Variants in SEMA3C observed in about 807,000 individuals in gnomAD.
SEMA3C encodes semaphorin 3C, also known as semaphorin-3C.
SEMA3C carries 47 observed loss-of-function variants against 89.4 expected under a neutral mutation model. The observed-to-expected ratio is 0.53, with a 90% CI of 0.42 to 0.67. The LOEUF (loss-of-function observed/expected upper bound fraction) is 0.67. Ranked by LOEUF, SEMA3C falls within the 30% of genes least tolerant of loss-of-function variation. The probability of loss-of-function intolerance (pLI) is 0.00; values close to 1 mark genes in which losing one functional copy is unlikely to be tolerated. For synonymous variants in SEMA3C, 310 were observed against 320.2 expected, an observed-to-expected ratio of 0.97 and a Z score of 0.34; for missense variants, 839 against 929.1, an observed-to-expected ratio of 0.90 and a Z score of 1.26.
chr7:80,815,043 T>C (rs1198405831), intron 5 of SEMA3C, among the ~76,000 whole-genome samples: 1 of 152,240 alleles, frequency 6.6e-6, no homozygotes, highest in Non-Finnish European at 1.5e-5. Context: ...TGTTGACATA[T>C]AAGTAGCCTT....
intron 4 of SEMA3C, among the ~76,000 whole-genome samples, chr7:80,818,895 T>C (rs910446476): frequency 6.6e-6 from 1 of 152,172 alleles, no homozygotes; most frequent in Non-Finnish European, 1.5e-5. Flanking sequence ...AAACAGTGGC[T>C]CAGGAATAGT....
chr7:80,880,184 G>A (rs113730376), intron 2 of SEMA3C, among the ~76,000 whole-genome samples: 89 of 152,186 alleles, frequency 5.8e-4, no homozygotes, highest in South Asian at 2.3e-3. Context: ...TCCAGGAGGC[G>A]AACCCTGACT....
Position 80,753,709 on chromosome 7 carries a change from A to C in SEMA3C, c.1644-2373T>G, listed in dbSNP as rs75518946. Among the ~76,000 whole-genome samples the C allele has an allele frequency of 0.015, 2,216 of 152,256 alleles. 177 individuals carry two copies. The East Asian group carries it at 0.23, about 16-fold the overall frequency. ...TTCCCATGTTTCATCCACAACAGTAAATTCTTTTGGATAAACAATGAAATC... is the reference window on the plus strand; with the variant it reads ...TTCCCATGTTTCATCCACAACAGTACATTCTTTTGGATAAACAATGAAATC... On this transcript the variant is annotated intron_variant, in intron 15 of 17. Transcript: ENST00000265361.
intron 11 of SEMA3C, among the ~76,000 whole-genome samples, chr7:80,790,995 T>G (rs1268845110): frequency 6.6e-6 from 1 of 152,014 alleles, no homozygotes; most frequent in Non-Finnish European, 1.5e-5. Flanking sequence ...ATGCATTATA[T>G]CATTGATTGT....
At chr7:80,906,273 T>C (rs1391103581) in intron 2 of SEMA3C, among the ~76,000 whole-genome samples, 1 of 152,190 alleles carries the variant, frequency 6.6e-6, no homozygotes, top group Admixed American at 6.5e-5. Context: ...AGAAGCAATA[T>C]TAGAAAAGGT....
chr7:80,879,541 A>G (rs1791284502), intron 2 of SEMA3C, among the ~76,000 whole-genome samples: 1 of 151,832 alleles, frequency 6.6e-6, no homozygotes, highest in South Asian at 2.1e-4. Context: ...ATTCTGTGAA[A>G]CCCTCCCTTC....
chr7:80,873,510 A>G (rs1005685832), intron 2 of SEMA3C, among the ~76,000 whole-genome samples: 2 of 152,194 alleles, frequency 1.3e-5, no homozygotes, highest in African/African-American at 4.8e-5. Context: ...TCATCAGGCA[A>G]TACTAGGCCC....
chr7:80,751,457 T>C, intron 15 of SEMA3C, 121 bp from the exon 16 acceptor site: 1 of 786,530 alleles, frequency 1.3e-6, no homozygotes, highest in Non-Finnish European at 2.1e-6. Flanking sequence ...TAAAATTTTT[T>C]AAAAAGAGTT....
At position 80,918,718 on chromosome 7, in the gene SEMA3C, T is replaced by G. The variant is rs969234923; in HGVS notation, c.-39+110A>C. Reference sequence around the variant, plus strand: ...TTCCCTGACAAACCGCGTGTGTTCTTAAGAAAATGTCCAGGCTTGAGCATA... The same window carrying G: ...TTCCCTGACAAACCGCGTGTGTTCTGAAGAAAATGTCCAGGCTTGAGCATA... On this transcript the variant is annotated intron_variant, in intron 1 of 17. Transcript: ENST00000265361. 6.8e-5 allele frequency: 46 copies of G among 674,222 alleles called. No individual in the cohort carries two copies. The African/African-American group carries it at 7.8e-4, about 11-fold the overall frequency. The allele number at this position is 674,222 out of a possible 1,614,324, so 41.8% of individuals were successfully genotyped here. A position where few individuals can be genotyped will look rare whatever the true frequency, so the allele number is the denominator to read the frequency against.
intron 13 of SEMA3C, among the ~76,000 whole-genome samples, chr7:80,762,420 T>C (rs1016419651): frequency 2.6e-5 from 4 of 152,332 alleles, no homozygotes; most frequent in Admixed American, 2.0e-4. Context: ...TTTGATAAAA[T>C]GTGAATGAAT....
chr7:80,868,824 ATGAAAG>A (rs1185191195), intron 2 of SEMA3C, among the ~76,000 whole-genome samples: 1 of 152,172 alleles, frequency 6.6e-6, no homozygotes, highest in Non-Finnish European at 1.5e-5. Context: ...ACCAGGTGTC[ATGAAAG>A]GAACTGGGGC....
intron 2 of SEMA3C, among the ~76,000 whole-genome samples, chr7:80,861,610 A>C (rs1790772997): frequency 6.6e-6 from 1 of 152,234 alleles, no homozygotes; most frequent in Non-Finnish European, 1.5e-5. Context: ...TAAAGCCTTT[A>C]GAAGACTGAT....
At chr7:80,751,735 C>G (rs1483547922) in intron 15 of SEMA3C, among the ~76,000 whole-genome samples, 1 of 152,106 alleles carries the variant, frequency 6.6e-6, no homozygotes, top group Non-Finnish European at 1.5e-5. Flanking sequence ...TTTATAATAG[C>G]TTGTCTTAAA....
chr7:80,851,332 C>T lies in SEMA3C; in HGVS notation c.104-22587G>A, dbSNP rs138263861. ...CCAGCCTGACCAACATGGTGAAACC[C>T]CATCTCTACTAAAAATACAAAAATT... On this transcript the variant is annotated intron_variant, in intron 2 of 17. Coordinates refer to ENST00000265361, the MANE Select transcript of SEMA3C (RefSeq NM_006379.5). Among the ~76,000 whole-genome samples the T allele has an allele frequency of 1.6e-3, 250 of 151,592 alleles. 5 individuals carry two copies. In the East Asian group the frequency reaches 0.038, roughly 23 times the overall value.
intron 2 of SEMA3C, among the ~76,000 whole-genome samples, chr7:80,860,639 A>G (rs1274965022): frequency 6.6e-6 from 1 of 152,198 alleles, no homozygotes. Context: ...AAAAATTCAG[A>G]GTTGAGGTTT....
chr7:80,748,916 G>A lies in SEMA3C; in HGVS notation c.1824C>T (p.Asp608=). ...QASIKWLLQK[D]KDRRKEVKLN... ...TACTCACCTCTTTCCTCCTGTCTTT[G>A]TCTTTCTGTAACAGCCACTTGATAG... Residue 608 remains aspartate, a synonymous_variant, in exon 17 of 18, where the codon GAC becomes GAT. Coordinates refer to ENST00000265361, the MANE Select transcript of SEMA3C (RefSeq NM_006379.5). The A allele has an allele frequency of 6.2e-7, 1 of 1,612,240 alleles. No homozygotes were observed. Among genetic ancestry groups the A allele is most frequent in the Non-Finnish European group, 8.5e-7 (1 of 1,179,254 alleles).
intron 2 of SEMA3C, among the ~76,000 whole-genome samples, chr7:80,860,989 A>G (rs1790757739): frequency 6.6e-6 from 1 of 152,220 alleles, no homozygotes; most frequent in Non-Finnish European, 1.5e-5. Flanking sequence ...TCAAAGGCAT[A>G]TTGAAAGAAA....
chr7:80,891,085 C>T (rs1029994515), intron 2 of SEMA3C, among the ~76,000 whole-genome samples: 1 of 152,196 alleles, frequency 6.6e-6, no homozygotes, highest in Non-Finnish European at 1.5e-5. Flanking sequence ...CTGCTCGCTT[C>T]TGCCCTTAGT....
At chr7:80,890,876 T>C (rs1051590497) in intron 2 of SEMA3C, among the ~76,000 whole-genome samples, 3 of 152,224 alleles carry the variant, frequency 2.0e-5, no homozygotes, top group African/African-American at 7.2e-5. Flanking sequence ...ATCTTTGTAG[T>C]GCTGTATTTT....
Sources: gnomAD v4.1 joint callset for allele counts (sites outside exome capture counted in the v4.1 genomes callset) on GRCh38, gnomAD v4.1.1 for gene constraint, MANE v1.5 for transcripts, NCBI Gene and HGNC (gene_info 2026-07-23, HGNC 2026-07-21) for gene names.